Variants in SLC26A11 observed in about 807,000 individuals in gnomAD.
SLC26A11 encodes the protein sodium-independent sulfate anion transporter.
Under a neutral mutation model 62.2 loss-of-function variants are expected in SLC26A11, and 58 were observed. The ratio of observed to expected loss-of-function variants is 0.93; its 90% CI spans 0.76 to 1.16. SLC26A11 has a LOEUF of 1.16. SLC26A11 is among the 50% of genes most tolerant of loss of function. The pLI, the probability that SLC26A11 is intolerant of heterozygous loss-of-function variation, is 0.00. For synonymous variants in SLC26A11, 411 were observed against 368.9 expected (o/e 1.11, Z -1.31); for missense variants, 790 against 794.3 (o/e 0.99, Z 0.06).
intron 7 of SLC26A11, among the ~76,000 whole-genome samples, chr17:80,231,046 A>G (rs556071640): frequency 6.7e-6 from 1 of 150,046 alleles, no homozygotes; most frequent in South Asian, 2.1e-4. Flanking sequence ...CTTTGGTTTC[A>G]TTGATCTCCC....
At chr17:80,241,652 T>G in intron 9 of SLC26A11, 119 bp from the exon 10 acceptor site, 1 of 1,047,326 alleles carries the variant, frequency 9.5e-7, no homozygotes, top group East Asian at 2.4e-5. Flanking sequence ...ATGTGTATTC[T>G]TAGATTTACA....
At chr17:80,230,108 T>G (rs2042521922) in intron 7 of SLC26A11, among the ~76,000 whole-genome samples, 1 of 147,688 alleles carries the variant, frequency 6.8e-6, no homozygotes, top group African/African-American at 2.5e-5. Flanking sequence ...GGCAGGAGAA[T>G]CACTTGAACC....
Position 80,246,319 on chromosome 17 carries a change from G to A in SLC26A11, c.1153+110G>A. 3 of 1,450,210 alleles carry A rather than the reference G, an allele frequency of 2.1e-6. No homozygotes were observed. Among genetic ancestry groups the A allele is most frequent in the Non-Finnish European group, 1.9e-6 (2 of 1,072,846 alleles). The allele number at this position is 1,450,210 out of a possible 1,614,324, so 89.8% of individuals were successfully genotyped here. On this transcript the variant is annotated intron_variant, in intron 12 of 17. Coordinates refer to ENST00000361193, the MANE Select transcript of SLC26A11 (RefSeq NM_001166347.2). This position sits in a 1 kb window ranked among gnomAD's most constrained non-coding sequence, Gnocchi z 4.4. ...CTCATGGGCCGTGCGCCCCGGGACT[G>A]CACAGGGACTTGGGGGGCCACACAG... is the stretch of plus-strand genomic sequence containing the variant.
chr17:80,221,975 C>T, intron 3 of SLC26A11, 181 bp downstream of exon 3: 2 of 633,824 alleles, frequency 3.2e-6, no homozygotes, highest in South Asian at 2.1e-5. Context: ...CTGTTTGGCA[C>T]ACACAGACAC....
intron 10 of SLC26A11, among the ~76,000 whole-genome samples, chr17:80,243,643 C>T (rs1337852404): frequency 1.6e-4 from 25 of 152,098 alleles, no homozygotes; most frequent in South Asian, 4.1e-4. Flanking sequence ...GTGATCCGCC[C>T]GCGTTGGCCT....
chr17:80,225,390 C>G (rs539919983), intron 5 of SLC26A11, among the ~76,000 whole-genome samples: 3 of 152,116 alleles, frequency 2.0e-5, no homozygotes, highest in African/African-American at 7.2e-5. Flanking sequence ...TGGGGGGTGG[C>G]GGGGCACCTA....
At chr17:80,233,827 C>T (rs1380715208) in intron 7 of SLC26A11, among the ~76,000 whole-genome samples, 1 of 151,852 alleles carries the variant, frequency 6.6e-6, no homozygotes, top group Non-Finnish European at 1.5e-5. Context: ...GATCCTCCCA[C>T]TTTGGCTTCC....
chr17:80,243,321 C>A (rs1598832277), intron 10 of SLC26A11, among the ~76,000 whole-genome samples: 1 of 152,170 alleles, frequency 6.6e-6, no homozygotes. Context: ...AGAAAATCCA[C>A]GGCCTCCTCA....
Position 80,222,300 on chromosome 17 carries a change from C to T in SLC26A11, c.235-355C>T, listed in dbSNP as rs982369382. On this transcript the variant is annotated intron_variant, in intron 3 of 17. Coordinates refer to ENST00000361193, the MANE Select transcript of SLC26A11 (RefSeq NM_001166347.2). This position sits in a 1 kb window ranked among gnomAD's most constrained non-coding sequence, Gnocchi z 4.7. ...CTGAGGCAGGAGAATGGCGTGAACCCGGGAGGCGGAGCTTGCAGTGAGCCG... is the reference window on the plus strand; with the variant it reads ...CTGAGGCAGGAGAATGGCGTGAACCTGGGAGGCGGAGCTTGCAGTGAGCCG... 9.2e-5 allele frequency: 19 copies of T among 205,988 alleles called. No homozygotes were observed. Among genetic ancestry groups the T allele is most frequent in the South Asian group, 6.0e-4 (5 of 8,268 alleles). 12.8% of individuals were successfully genotyped at this position (205,988 alleles called of 1,614,324 possible).
intron 9 of SLC26A11, among the ~76,000 whole-genome samples, chr17:80,239,384 G>A (rs1442020829): frequency 2.1e-5 from 3 of 140,690 alleles, no homozygotes; most frequent in East Asian, 2.0e-4. Context: ...CAGCCCTCCA[G>A]TAATTTCTTT....
Position 80,222,437 on chromosome 17 carries a change from C to T in SLC26A11, c.235-218C>T. On this transcript the variant is annotated intron_variant, in intron 3 of 17. Transcript: ENST00000361193. This position sits in a 1 kb window ranked among gnomAD's most constrained non-coding sequence, Gnocchi z 4.7. Reference sequence around the variant, plus strand: ...CACAGCACACGGGCCTGCACCGACCCCTCTGCCTGGCTGTCTGCACCCTGA... The same window carrying T: ...CACAGCACACGGGCCTGCACCGACCTCTCTGCCTGGCTGTCTGCACCCTGA... The T allele has an allele frequency of 1.7e-6, 1 of 581,972 alleles. No homozygotes were observed. Among genetic ancestry groups the T allele is most frequent in the Non-Finnish European group, 3.1e-6 (1 of 327,078 alleles). The allele number at this position is 581,972 out of a possible 1,614,324, so 36.1% of individuals were successfully genotyped here. A position where few individuals can be genotyped will look rare whatever the true frequency, so the allele number is the denominator to read the frequency against.
At chr17:80,238,011 AC>A (rs1323669174) in intron 9 of SLC26A11, among the ~76,000 whole-genome samples, 2 of 152,230 alleles carry the variant, frequency 1.3e-5, no homozygotes, top group Non-Finnish European at 2.9e-5. Context: ...GGTGCAAATA[AC>A]CTCATCAGTA....
rs1160258925 is a variant in SLC26A11 at position 80,225,859 on chromosome 17, T to C, written c.536T>C (p.Ile179Thr). ...CAGAACCTGCTGGGACTACAGAACA[T>C]CCCCAGGCCGTTCTTCCTGCAGGTG... ...QIKNLLGLQN[I>T]PRPFFLQVYH... The change falls in exon 6 of 18, where the codon ATC (isoleucine) becomes ACC (threonine). Residue 179 changes from isoleucine to threonine, a missense_variant. Transcript: ENST00000361193. 4 of 1,613,846 alleles carry C rather than the reference T, an allele frequency of 2.5e-6. No individual in the cohort carries two copies. Among genetic ancestry groups the C allele is most frequent in the Non-Finnish European group, 8.5e-7 (1 of 1,179,872 alleles).
Position 80,222,428 on chromosome 17 carries a change from G to A in SLC26A11, c.235-227G>A, listed in dbSNP as rs573143765. 7.9e-5 allele frequency: 45 copies of A among 572,352 alleles called. No individual in the cohort carries two copies. The highest frequency in any genetic ancestry group is 6.4e-4 in the Admixed American group (21 of 32,766). 35.5% of individuals were successfully genotyped at this position (572,352 alleles called of 1,614,324 possible). ...AGACTTGGACACAGCACACGGGCCT[G>A]CACCGACCCCTCTGCCTGGCTGTCT... On this transcript the variant is annotated intron_variant, in intron 3 of 17. Transcript: ENST00000361193. The surrounding 1 kb of genome is among the most constrained non-coding windows in gnomAD (Gnocchi z 4.7).
Position 80,222,712 on chromosome 17 carries a change from C to T in SLC26A11, c.292C>T (p.Arg98Trp), listed in dbSNP as rs202220608. 1.1e-4 allele frequency: 173 copies of T among 1,613,976 alleles called. 1 individual carries two copies. The highest frequency in any genetic ancestry group is 9.4e-4 in the East Asian group (42 of 44,880). The change falls in exon 4 of 18, where the codon CGG (arginine) becomes TGG (tryptophan). Residue 98 changes from arginine (R) to tryptophan (W), a missense_variant. Coordinates refer to ENST00000361193, the MANE Select transcript of SLC26A11 (RefSeq NM_001166347.2). This position sits in a 1 kb window ranked among gnomAD's most constrained non-coding sequence, Gnocchi z 4.7. ...CGTGTATTTCTTCCTGGGCACCTCC[C>T]GGGATGTGACTCTGGGCCCCACCGC... ...CFVYFFLGTS[R>W]DVTLGPTAIM...
chr17:80,223,295 C>T lies in SLC26A11; in HGVS notation c.471C>T (p.Phe157=), dbSNP rs1173241537. 4.3e-6 allele frequency: 7 copies of T among 1,614,194 alleles called. No homozygotes were observed. The highest frequency in any genetic ancestry group is 5.1e-6 in the Non-Finnish European group (6 of 1,180,040). The change falls in exon 5 of 18, where the codon TTC becomes TTT. Residue 157 remains phenylalanine, a synonymous_variant. Coordinates refer to ENST00000361193, the MANE Select transcript of SLC26A11 (RefSeq NM_001166347.2). This position sits in a 1 kb window ranked among gnomAD's most constrained non-coding sequence, Gnocchi z 4.6. Reference sequence around the variant, plus strand: ...TTTCCTACCCCGTCATTAAAGGCTTCACCTCTGCTGCTGCCGTCACCATCG... The same window carrying T: ...TTTCCTACCCCGTCATTAAAGGCTTTACCTCTGCTGCTGCCGTCACCATCG... ...DFISYPVIKG[F]TSAAAVTIGF...
At chr17:80,241,652 T>C in intron 9 of SLC26A11, 119 bp from the exon 10 acceptor site, 1 of 1,047,326 alleles carries the variant, frequency 9.5e-7, no homozygotes, top group Non-Finnish European at 1.5e-6. Context: ...ATGTGTATTC[T>C]TAGATTTACA....
At chr17:80,238,703 A>G (rs150187100) in intron 9 of SLC26A11, among the ~76,000 whole-genome samples, 4 of 151,388 alleles carry the variant, frequency 2.6e-5, no homozygotes, top group African/African-American at 9.7e-5. Flanking sequence ...TTACCAGTGT[A>G]TGTTACTGTG....
In SLC26A11 at chr17:80,248,294, G is replaced by C. The variant is rs756308861; in HGVS notation, c.1422+37G>C. ...TGGCCTCTGAGTGGGGAGTGTGCTGGGGGCAGGATTCCTGGGCATGGTCTT... is the reference window on the plus strand; with the variant it reads ...TGGCCTCTGAGTGGGGAGTGTGCTGCGGGCAGGATTCCTGGGCATGGTCTT... On this transcript the variant is annotated intron_variant, in intron 14 of 17. Transcript: ENST00000361193. The C allele has an allele frequency of 1.9e-6, 3 of 1,588,986 alleles. No individual in the cohort carries two copies. In the Admixed American group the frequency reaches 5.2e-5, roughly 27 times the overall value.
Sources: allele counts gnomAD v4.1 joint callset (sites outside exome capture counted in the v4.1 genomes callset), GRCh38; gene constraint gnomAD v4.1.1; non-coding constraint Gnocchi (gnomAD v3.1); transcripts MANE v1.5; gene names NCBI Gene and HGNC (gene_info 2026-07-23, HGNC 2026-07-21).